Variants in PLEKHM1 observed in about 807,000 individuals in gnomAD.
The protein encoded by PLEKHM1 is pleckstrin homology domain-containing family M member 1.
A neutral mutation model predicts 94.3 loss-of-function variants in PLEKHM1; 28 were observed. The observed-to-expected ratio is 0.30, with a 90% CI of 0.22 to 0.41. PLEKHM1 has a LOEUF of 0.41. PLEKHM1 is among the 10% of genes least tolerant of loss of function. The pLI is 1.00. For synonymous variants in PLEKHM1, 424 were observed against 581.2 expected (o/e 0.73, Z 3.89); for missense variants, 907 against 1,358.6 (o/e 0.67, Z 5.22).
intron 1 of PLEKHM1, among the ~76,000 whole-genome samples, chr17:45,486,321 G>A (rs1207639309): frequency 6.6e-6 from 1 of 151,060 alleles, no homozygotes; most frequent in East Asian, 1.9e-4. Context: ...GGTGGCTCAC[G>A]CCTGTAATCC....
chr17:45,477,860 T>G, intron 3 of PLEKHM1, 40 bp downstream of exon 3: 1 of 1,610,662 alleles, frequency 6.2e-7, no homozygotes, highest in Non-Finnish European at 8.5e-7. Context: ...CATAGTCTGC[T>G]GCTCCTCCGC....
chr17:45,436,587 C>T lies in PLEKHM1; in HGVS notation c.*1271G>A, dbSNP rs535241987. On this transcript the variant is annotated 3_prime_UTR_variant, in exon 12 of 12. Transcript: ENST00000430334. ...TAGGTCCAGGAGAGGTGGGGGAAGGCGACAGAGAGACCAGCAAACCCACAT... is the reference window on the plus strand; with the variant it reads ...TAGGTCCAGGAGAGGTGGGGGAAGGTGACAGAGAGACCAGCAAACCCACAT... 30 of 453,220 alleles carry T rather than the reference C, an allele frequency of 6.6e-5. No homozygotes were observed. The highest frequency in any genetic ancestry group is 1.6e-4 in the Admixed American group (7 of 42,518). The allele number at this position is 453,220 out of a possible 1,614,324, so 28.1% of individuals were successfully genotyped here.
At chr17:45,484,063 T>C (rs992771751) in intron 1 of PLEKHM1, among the ~76,000 whole-genome samples, 1 of 152,190 alleles carries the variant, frequency 6.6e-6, no homozygotes, top group Admixed American at 6.5e-5. Flanking sequence ...AGCATTAACA[T>C]TAAAACAGAC....
intron 3 of PLEKHM1, among the ~76,000 whole-genome samples, chr17:45,476,247 A>G (rs1442786250): frequency 6.6e-6 from 1 of 150,496 alleles, no homozygotes; most frequent in East Asian, 1.9e-4. Context: ...GATAATTTCC[A>G]TGTTCATTCC....
chr17:45,453,196 G>C lies in PLEKHM1; in HGVS notation c.2497+159C>G. On this transcript the variant is annotated intron_variant, in intron 7 of 11. Coordinates refer to ENST00000430334, the MANE Select transcript of PLEKHM1 (RefSeq NM_014798.3). This position sits in a 1 kb window ranked among gnomAD's most constrained non-coding sequence, Gnocchi z 4.1. Reference sequence around the variant, plus strand: ...ACTGGCCCCAGCCGGGGCTGGGGAGGAGCAGAAGCTGTAGGGCAAGCCTGA... The same window carrying C: ...ACTGGCCCCAGCCGGGGCTGGGGAGCAGCAGAAGCTGTAGGGCAAGCCTGA... 1 of 678,426 alleles carries C rather than the reference G, an allele frequency of 1.5e-6. No individual in the cohort carries two copies. Among genetic ancestry groups the C allele is most frequent in the South Asian group, 1.6e-5 (1 of 62,602 alleles). 42.0% of individuals were successfully genotyped at this position (678,426 alleles called of 1,614,324 possible).
At chr17:45,469,945 C>T (rs1212266284) in intron 4 of PLEKHM1, among the ~76,000 whole-genome samples, 11 of 152,062 alleles carry the variant, frequency 7.2e-5, no homozygotes, top group South Asian at 2.1e-4. Flanking sequence ...TGGTGGCAGG[C>T]GCCTGTAATC....
Position 45,458,185 on chromosome 17 carries a change from T to C in PLEKHM1, c.1563A>G (p.Val521=), listed in dbSNP as rs1353347041. Reference sequence around the variant, plus strand: ...GTAACCTACCCATCTGTCTCCGGTGTACCACCCGGAAGCTCTTATGCCCCT... The same window carrying C: ...GTAACCTACCCATCTGTCTCCGGTGCACCACCCGGAAGCTCTTATGCCCCT... The part of the protein sequence containing the change: ...PSQGHKSFRV[V]HRRQMGLSNP... Residue 521 remains valine, a synonymous_variant, in exon 6 of 12, where the codon GTA becomes GTG. Coordinates refer to ENST00000430334, the MANE Select transcript of PLEKHM1 (RefSeq NM_014798.3). The C allele has an allele frequency of 1.2e-6, 2 of 1,613,514 alleles. No individual in the cohort carries two copies. The highest frequency in any genetic ancestry group is 4.5e-5 in the East Asian group (2 of 44,898).
rs1314889352 is a variant in PLEKHM1 at position 45,446,773 on chromosome 17, A to G, written c.2644-1110T>C. Among the ~76,000 whole-genome samples the G allele has an allele frequency of 2.0e-5, 3 of 152,244 alleles. No homozygotes were observed. In the East Asian group the frequency reaches 5.8e-4, roughly 29 times the overall value. On this transcript the variant is annotated intron_variant, in intron 8 of 11. Coordinates refer to ENST00000430334, the MANE Select transcript of PLEKHM1 (RefSeq NM_014798.3). ...TCCAGCAACCTTTTCAAATTCTGATAAATTGTGTAGGGGAAAAAAAGTCTG... is the reference window on the plus strand; with the variant it reads ...TCCAGCAACCTTTTCAAATTCTGATGAATTGTGTAGGGGAAAAAAAGTCTG...
In PLEKHM1 at chr17:45,475,084, G is replaced by A. The variant is rs1243924254; in HGVS notation, c.923+16C>T. The stretch of plus-strand genomic sequence containing the variant: ...GGAAGAGAGAAGATGGGAAGGAGTG[G>A]GGGCAGCGTACTCACTCTTGCAGAG... On this transcript the variant is annotated intron_variant, in intron 4 of 11. Coordinates refer to ENST00000430334, the MANE Select transcript of PLEKHM1 (RefSeq NM_014798.3). 6.2e-7 allele frequency: 1 copy of A among 1,613,814 alleles called. No individual in the cohort carries two copies. Among genetic ancestry groups the A allele is most frequent in the African/African-American group, 1.3e-5 (1 of 75,052 alleles).
chr17:45,459,454 T>G (rs1034499592), intron 5 of PLEKHM1: 3 of 152,218 alleles, frequency 2.0e-5, no homozygotes, highest in Admixed American at 2.0e-4. Flanking sequence ...CATGTTTAAG[T>G]GTTCATTCCT....
chr17:45,458,110 C>G, intron 6 of PLEKHM1, 59 bp downstream of exon 6: 1 of 1,500,788 alleles, frequency 6.7e-7, no homozygotes, highest in Non-Finnish European at 9.2e-7. Context: ...TCACAGCTGC[C>G]TTCTGAAAGG....
At chr17:45,463,068 A>T (rs2051201534) in intron 5 of PLEKHM1, among the ~76,000 whole-genome samples, 1 of 147,430 alleles carries the variant, frequency 6.8e-6, no homozygotes, top group African/African-American at 2.5e-5. Context: ...CCTGGGCAAC[A>T]GCACAAGAGT....
At chr17:45,443,032 G>A (rs3845202) in intron 9 of PLEKHM1, among the ~76,000 whole-genome samples, 1 of 152,172 alleles carries the variant, frequency 6.6e-6, no homozygotes, top group Admixed American at 6.5e-5. Flanking sequence ...ATGGAGTGAG[G>A]TGCAGAAACA....
chr17:45,483,812 G>A (rs1039838154), intron 1 of PLEKHM1, among the ~76,000 whole-genome samples: 41 of 152,066 alleles, frequency 2.7e-4, no homozygotes, highest in African/African-American at 8.5e-4. Flanking sequence ...GCTGATAAGC[G>A]GCCTGACTCC....
chr17:45,443,744 C>G (rs1199832058), intron 9 of PLEKHM1, among the ~76,000 whole-genome samples: 1 of 152,142 alleles, frequency 6.6e-6, no homozygotes, highest in Admixed American at 6.5e-5. Context: ...CCACCTGACC[C>G]CAGAGATTTC....
chr17:45,442,428 CAG>C (rs1052578100), intron 9 of PLEKHM1, among the ~76,000 whole-genome samples: 3 of 152,246 alleles, frequency 2.0e-5, no homozygotes, highest in East Asian at 1.9e-4. Context: ...GTTTTTGAGA[CAG>C]AGTCTCACTC....
chr17:45,437,960 C>T lies in PLEKHM1; in HGVS notation c.3069G>A (p.Glu1023=), dbSNP rs536851664. 4.4e-5 allele frequency: 71 copies of T among 1,613,264 alleles called. 1 individual carries two copies. The Admixed American group carries it at 7.0e-4, about 16-fold the overall frequency. ...FEFDTTVRCA[E]CKTVFHQSCQ... ...AGCTCTGGTGGAAGACGGTCTTGCA[C>T]TCGGCACACCTGGGGAGAGAGCAGT... Residue 1023 remains glutamate, a synonymous_variant, in exon 12 of 12, where the codon GAG becomes GAA. Transcript: ENST00000430334. The surrounding 1 kb of genome is among the most constrained non-coding windows in gnomAD (Gnocchi z 4.0).
rs763343003 is a variant in PLEKHM1 at position 45,468,642 on chromosome 17, T to A, written c.924-49A>T. On this transcript the variant is annotated intron_variant, in intron 4 of 11. Coordinates refer to ENST00000430334, the MANE Select transcript of PLEKHM1 (RefSeq NM_014798.3). Reference sequence around the variant, plus strand: ...CTGTGTGACAGGTTGTCTGCGATAATGCCCAAGGCAACTGGGGCAGAGGGA... The same window carrying A: ...CTGTGTGACAGGTTGTCTGCGATAAAGCCCAAGGCAACTGGGGCAGAGGGA... 6.2e-6 allele frequency: 10 copies of A among 1,600,580 alleles called. No homozygotes were observed. The South Asian group carries it at 1.1e-4, about 18-fold the overall frequency.
At position 45,437,974 on chromosome 17, in the gene PLEKHM1, GGA is replaced by G; in HGVS notation, c.3060-7_3060-6del. The G allele has an allele frequency of 6.2e-7, 1 of 1,610,876 alleles. No individual in the cohort carries two copies. Among genetic ancestry groups the G allele is most frequent in the Non-Finnish European group, 8.5e-7 (1 of 1,177,964 alleles). ...ACGGTCTTGCACTCGGCACACCTGGGGAGAGAGCAGTAGGCCTGCTGGTGCCG... is the reference window on the plus strand; with the variant it reads ...ACGGTCTTGCACTCGGCACACCTGGGGAGAGCAGTAGGCCTGCTGGTGCCG... On this transcript the variant is annotated splice_region_variant and splice_polypyrimidine_tract_variant and intron_variant, in intron 11 of 11. Coordinates refer to ENST00000430334, the MANE Select transcript of PLEKHM1 (RefSeq NM_014798.3). The surrounding 1 kb of genome is among the most constrained non-coding windows in gnomAD (Gnocchi z 4.0).
Sources: gnomAD v4.1 joint callset for allele counts (sites outside exome capture counted in the v4.1 genomes callset) on GRCh38, gnomAD v4.1.1 for gene constraint, Gnocchi (gnomAD v3.1) non-coding constraint, MANE v1.5 for transcripts, NCBI Gene and HGNC (gene_info 2026-07-23, HGNC 2026-07-21) for gene names.